Variants in MBNL1 observed in about 807,000 individuals in gnomAD.
MBNL1 encodes muscleblind-like protein 1.
Under a neutral mutation model 42.2 loss-of-function variants are expected in MBNL1, and 8 were observed. The observed-to-expected ratio is 0.19, with a 90% CI of 0.11 to 0.34. The LOEUF (loss-of-function observed/expected upper bound fraction) is 0.34, where lower values mean the gene tolerates loss of function less well. Among genes scored for constraint, MBNL1 ranks in the 10% least tolerant of loss-of-function variants. The probability of loss-of-function intolerance (pLI) is 1.00; values close to 1 mark genes in which losing one functional copy is unlikely to be tolerated. For synonymous variants in MBNL1, 169 were observed against 173.9 expected (o/e 0.97, Z 0.22); for missense variants, 309 against 495.3 (o/e 0.62, Z 3.57).
intron 2 of MBNL1, among the ~76,000 whole-genome samples, chr3:152,337,347 C>T (rs1157134466): frequency 2.0e-5 from 3 of 152,134 alleles, no homozygotes; most frequent in Non-Finnish European, 4.4e-5. Flanking sequence ...TGGCCAAGCA[C>T]GGTGGCTCAC....
At chr3:152,335,592 G>A (rs536800797) in intron 2 of MBNL1, among the ~76,000 whole-genome samples, 1 of 151,736 alleles carries the variant, frequency 6.6e-6, no homozygotes, top group Admixed American at 6.6e-5. Context: ...TATGAAAGCA[G>A]TTGTTCCTCC....
At chr3:152,246,598 G>A (rs1395661967) in intron 2 of MBNL1, among the ~76,000 whole-genome samples, 3 of 151,290 alleles carry the variant, frequency 2.0e-5, no homozygotes, top group Non-Finnish European at 4.4e-5. Flanking sequence ...ATTTATTACT[G>A]GAAAATTTAA....
chr3:152,410,346 T>C (rs2098538282), intron 2 of MBNL1, among the ~76,000 whole-genome samples: 1 of 152,218 alleles, frequency 6.6e-6, no homozygotes, highest in African/African-American at 2.4e-5. Flanking sequence ...GATGAATTTA[T>C]TGAATGACTG....
At chr3:152,449,197 CTT>C (rs1469041228) in intron 6 of MBNL1, 1 of 152,182 alleles carries the variant, frequency 6.6e-6, no homozygotes, top group Non-Finnish European at 1.5e-5. Context: ...ATCATAATCT[CTT>C]TGAAGAAATT....
chr3:152,395,200 A>C (rs1236434760), intron 2 of MBNL1, among the ~76,000 whole-genome samples: 2 of 152,208 alleles, frequency 1.3e-5, no homozygotes, highest in Admixed American at 6.5e-5. Flanking sequence ...TCTATAAAAC[A>C]AAAATATGGA....
chr3:152,447,555 T>A, intron 5 of MBNL1, 65 bp from the exon 6 acceptor site: 4 of 1,392,618 alleles, frequency 2.9e-6, no homozygotes, highest in Non-Finnish European at 4.0e-6. Context: ...AGCCTTCGAC[T>A]GATTTTTCTT....
intron 3 of MBNL1, among the ~76,000 whole-genome samples, chr3:152,417,007 C>T (rs1056430008): frequency 4.6e-5 from 7 of 152,202 alleles, no homozygotes; most frequent in African/African-American, 1.7e-4. Context: ...AATTACCCTT[C>T]TGCTAAAGGT....
rs752151536 is a variant in MBNL1, at chr3:152,445,524, C to T, written c.792C>T (p.Ala264=). The change falls in exon 5 of 10, where the codon GCC becomes GCT. Residue 264 remains alanine (A), a synonymous_variant. Coordinates refer to ENST00000324210, the MANE Select transcript of MBNL1 (RefSeq NM_021038.5). ...AGGCTGCAGCTGCACAGGCTGCAGC[C>T]ACCGCAGCTGCCATGGTGAGTAGAG... ...VNQAAAAQAA[A]TAAAMGIPQA... 4 of 1,612,902 alleles carry T rather than the reference C, an allele frequency of 2.5e-6. No individual in the cohort carries two copies. In the African/African-American group the frequency reaches 4.0e-5, roughly 16 times the overall value.
At chr3:152,424,575 A>G (rs999636521) in intron 3 of MBNL1, among the ~76,000 whole-genome samples, 1 of 152,034 alleles carries the variant, frequency 6.6e-6, no homozygotes, top group Non-Finnish European at 1.5e-5. Flanking sequence ...AAAAAAAAAA[A>G]ACTACTTTAA....
intron 2 of MBNL1, among the ~76,000 whole-genome samples, chr3:152,383,668 G>C (rs904270055): frequency 2.0e-5 from 3 of 152,084 alleles, no homozygotes; most frequent in Non-Finnish European, 4.4e-5. Context: ...CATCTGGGCA[G>C]CTGTGCGTTG....
At chr3:152,340,887 G>C in intron 2 of MBNL1, 1 of 1,612,126 alleles carries the variant, frequency 6.2e-7, no homozygotes, top group Non-Finnish European at 8.5e-7. Flanking sequence ...GCACCTGTGG[G>C]CCAGGGTCCA....
At chr3:152,394,693 T>A (rs952972707) in intron 2 of MBNL1, among the ~76,000 whole-genome samples, 3 of 152,150 alleles carry the variant, frequency 2.0e-5, no homozygotes, top group Non-Finnish European at 4.4e-5. Flanking sequence ...AACACATAAA[T>A]AAGCAACATA....
At chr3:152,381,666 T>C (rs1560376076) in intron 2 of MBNL1, among the ~76,000 whole-genome samples, 2 of 152,162 alleles carry the variant, frequency 1.3e-5, no homozygotes, top group Non-Finnish European at 2.9e-5. Flanking sequence ...TTGTTCTTAA[T>C]TTAACATGCC....
intron 2 of MBNL1, among the ~76,000 whole-genome samples, chr3:152,384,514 G>C (rs2097326407): frequency 1.3e-5 from 2 of 151,982 alleles, no homozygotes; most frequent in African/African-American, 4.8e-5. Context: ...TTCAGATGTG[G>C]GTTTAATGAC....
At position 152,258,978 on chromosome 3, in the gene MBNL1, C is replaced by T. The variant is rs183924496; in HGVS notation, n.333+14538C>T. Reference sequence around the variant, plus strand: ...CAAATTATTTACAGCTTCTTTCAGACGAGCCTTCCAGAGCTTTGTAAGAAT... The same window carrying T: ...CAAATTATTTACAGCTTCTTTCAGATGAGCCTTCCAGAGCTTTGTAAGAAT... On this transcript the variant is annotated intron_variant and non_coding_transcript_variant, in intron 2 of 2. Transcript: ENST00000477171. Among the ~76,000 whole-genome samples the T allele has an allele frequency of 7.9e-5, 12 of 152,234 alleles. No homozygotes were observed. In the South Asian group the frequency reaches 8.3e-4, roughly 11 times the overall value.
At chr3:152,309,496 G>C (rs1277582613) in intron 2 of MBNL1, among the ~76,000 whole-genome samples, 1 of 152,148 alleles carries the variant, frequency 6.6e-6, no homozygotes, top group Non-Finnish European at 1.5e-5. Flanking sequence ...TAGTGCGTAG[G>C]CTTCTGGATC....
intron 1 of MBNL1, among the ~76,000 whole-genome samples, chr3:152,289,907 A>C (rs536995223): frequency 6.6e-6 from 1 of 152,194 alleles, no homozygotes; most frequent in East Asian, 1.9e-4. Context: ...AAGTTCACTA[A>C]TTTGTTTTTT....
chr3:152,430,422 G>T (rs1194139019), intron 3 of MBNL1, among the ~76,000 whole-genome samples: 1 of 152,186 alleles, frequency 6.6e-6, no homozygotes, highest in Non-Finnish European at 1.5e-5. Flanking sequence ...AAAGAGGAAT[G>T]ATAATGAATA....
intron 2 of MBNL1, among the ~76,000 whole-genome samples, chr3:152,370,857 T>G (rs998023598): frequency 2.6e-5 from 4 of 151,942 alleles, no homozygotes; most frequent in African/African-American, 9.7e-5. Context: ...TTGGTAGATA[T>G]TCCTCCATTT....
Sources: allele counts gnomAD v4.1 joint callset (sites outside exome capture counted in the v4.1 genomes callset), GRCh38; gene constraint gnomAD v4.1.1; transcripts MANE v1.5; gene names NCBI Gene and HGNC (gene_info 2026-07-23, HGNC 2026-07-21).